The following DLEU7 variants were observed in gnomAD, a reference collection of about 807,000 sequenced individuals.
DLEU7 encodes the protein leukemia-associated protein 7.
In DLEU7, 17 loss-of-function variants were observed where a neutral mutation model predicts 16.0. That is an observed-to-expected ratio of 1.06 (90% CI 0.73 to 1.59). DLEU7 has a LOEUF of 1.59. Among genes scored for constraint, DLEU7 ranks in the 40% most tolerant of loss-of-function variants. The pLI, the probability that DLEU7 is intolerant of heterozygous loss-of-function variation, is 0.00. For missense variants in DLEU7, 308 were observed against 314.9 expected (o/e 0.98, Z 0.17); for synonymous variants, 113 against 139.8 (o/e 0.81, Z 1.35).
At chr13:50,789,734 C>T (rs555377690) in intron 1 of DLEU7, among the ~76,000 whole-genome samples, 30 of 152,162 alleles carry the variant, frequency 2.0e-4, no homozygotes, top group African/African-American at 6.0e-4. Flanking sequence ...CCCTGGAAAT[C>T]GTTTTGTTCT....
intron 1 of DLEU7, among the ~76,000 whole-genome samples, chr13:50,813,280 C>T (rs1190140613): frequency 6.6e-6 from 1 of 152,082 alleles, no homozygotes; most frequent in African/African-American, 2.4e-5. Flanking sequence ...CTAAAAAACT[C>T]TGTAATTTGT....
At chr13:50,770,652 T>C (rs1169481336) in intron 1 of DLEU7, among the ~76,000 whole-genome samples, 1 of 152,242 alleles carries the variant, frequency 6.6e-6, no homozygotes, top group Non-Finnish European at 1.5e-5. Flanking sequence ...AGCTTTTTGA[T>C]GTGCTGCTGG....
intron 1 of DLEU7, among the ~76,000 whole-genome samples, chr13:50,783,505 A>G (rs1329405343): frequency 6.6e-6 from 1 of 152,114 alleles, no homozygotes; most frequent in African/African-American, 2.4e-5. Context: ...AGTTTCATTC[A>G]CTTAGAATGA....
At chr13:50,803,730 TTC>T (rs1876310618) in intron 1 of DLEU7, among the ~76,000 whole-genome samples, 1 of 152,132 alleles carries the variant, frequency 6.6e-6, no homozygotes, top group African/African-American at 2.4e-5. Context: ...AAAAACAGAC[TTC>T]TTTTTACTTT....
At chr13:50,788,326 G>A (rs1308161644) in intron 1 of DLEU7, among the ~76,000 whole-genome samples, 1 of 152,146 alleles carries the variant, frequency 6.6e-6, no homozygotes, top group African/African-American at 2.4e-5. Context: ...AGAGGGGGTG[G>A]AAATGTGGGC....
chr13:50,746,264 T>C (rs1212126807), intron 1 of DLEU7, among the ~76,000 whole-genome samples: 1 of 152,214 alleles, frequency 6.6e-6, no homozygotes, highest in Non-Finnish European at 1.5e-5. Context: ...CCTAATTTCA[T>C]GTCCATTAAC....
At chr13:50,763,809 C>G (rs1875016737) in intron 1 of DLEU7, among the ~76,000 whole-genome samples, 1 of 152,186 alleles carries the variant, frequency 6.6e-6, no homozygotes, top group African/African-American at 2.4e-5. Context: ...AGAAGCCAAC[C>G]CCATCATCAC....
chr13:50,735,342 A>G (rs909081058), intron 1 of DLEU7, among the ~76,000 whole-genome samples: 5 of 152,158 alleles, frequency 3.3e-5, no homozygotes, highest in Non-Finnish European at 7.4e-5. Flanking sequence ...GCAACAGCAC[A>G]ATAAACATTC....
chr13:50,813,522 TAGG>T (rs1876630998), intron 1 of DLEU7, among the ~76,000 whole-genome samples: 1 of 152,098 alleles, frequency 6.6e-6, no homozygotes, highest in African/African-American at 2.4e-5. Context: ...ATAGAGATTC[TAGG>T]AGATTTTTTC....
At chr13:50,759,320 G>A (rs918378020) in intron 1 of DLEU7, among the ~76,000 whole-genome samples, 1 of 152,120 alleles carries the variant, frequency 6.6e-6, no homozygotes, top group Non-Finnish European at 1.5e-5. Flanking sequence ...ACTATTATGG[G>A]TCTTGGTTCC....
chr13:50,773,199 C>T (rs975175318), intron 1 of DLEU7, among the ~76,000 whole-genome samples: 2 of 152,162 alleles, frequency 1.3e-5, no homozygotes, highest in Non-Finnish European at 2.9e-5. Context: ...AGCTTCCTTG[C>T]GATGGGTTCA....
intron 1 of DLEU7, among the ~76,000 whole-genome samples, chr13:50,771,111 A>T (rs1875293240): frequency 6.6e-6 from 1 of 152,134 alleles, no homozygotes; most frequent in Admixed American, 6.5e-5. Context: ...ATCGGTGGTG[A>T]TAACCCCCTT....
intron 1 of DLEU7, among the ~76,000 whole-genome samples, chr13:50,745,146 G>A (rs611457): frequency 5.1e-4 from 78 of 152,140 alleles, no homozygotes; most frequent in African/African-American, 1.7e-3. Flanking sequence ...ATTCACAAGC[G>A]GCAAAAGAAG....
intron 1 of DLEU7, among the ~76,000 whole-genome samples, chr13:50,816,163 G>C (rs950178746): frequency 6.6e-6 from 1 of 151,960 alleles, no homozygotes; most frequent in African/African-American, 2.4e-5. Flanking sequence ...TGGTTTATAT[G>C]ACTGTTCTTT....
At chr13:50,816,754 G>A (rs1876748469) in intron 1 of DLEU7, among the ~76,000 whole-genome samples, 1 of 152,140 alleles carries the variant, frequency 6.6e-6, no homozygotes, top group Non-Finnish European at 1.5e-5. Flanking sequence ...TGCATTTGAG[G>A]AATTCTTTAA....
At chr13:50,763,953 G>A (rs1021893554) in intron 1 of DLEU7, among the ~76,000 whole-genome samples, 1 of 152,224 alleles carries the variant, frequency 6.6e-6, no homozygotes, top group African/African-American at 2.4e-5. Flanking sequence ...AATGGGAGGT[G>A]CTGTTACTGA....
Position 50,748,638 on chromosome 13 carries a change from T to C in DLEU7, c.460-35398A>G, listed in dbSNP as rs185954100. On this transcript the variant is annotated intron_variant, in intron 1 of 1. Transcript: ENST00000400393. ...TTTTTTAAAGGATTGTTTGCTTCCTTATTATAGAGCCCAAGGAGGCTGGTC... is the reference window on the plus strand; with the variant it reads ...TTTTTTAAAGGATTGTTTGCTTCCTCATTATAGAGCCCAAGGAGGCTGGTC... Among the ~76,000 whole-genome samples the C allele has an allele frequency of 6.0e-3, 909 of 152,126 alleles. 5 individuals carry two copies. Among genetic ancestry groups the C allele is most frequent in the Non-Finnish European group, 9.7e-3 (657 of 67,976 alleles).
chr13:50,839,727 A>G (rs1358232046), intron 1 of DLEU7, among the ~76,000 whole-genome samples: 1 of 152,242 alleles, frequency 6.6e-6, no homozygotes, highest in Non-Finnish European at 1.5e-5. Flanking sequence ...ATTAATATCA[A>G]GAATAGAATT....
intron 1 of DLEU7, among the ~76,000 whole-genome samples, chr13:50,760,693 G>GT (rs1874902220): frequency 6.6e-6 from 1 of 152,132 alleles, no homozygotes; most frequent in Non-Finnish European, 1.5e-5. Flanking sequence ...TCCCATGCAT[G>GT]TAAGTATTTA....
Sources: allele counts gnomAD v4.1 joint callset (sites outside exome capture counted in the v4.1 genomes callset), GRCh38; gene constraint gnomAD v4.1.1; transcripts MANE v1.5; gene names NCBI Gene and HGNC (gene_info 2026-07-23, HGNC 2026-07-21).